Variants in SH3BGRL observed in about 807,000 individuals in gnomAD.
The protein encoded by SH3BGRL is adapter SH3BGRL.
In SH3BGRL, 7 loss-of-function variants were observed where a neutral mutation model predicts 9.8. The ratio of observed to expected loss-of-function variants is 0.72; its 90% CI spans 0.41 to 1.35. SH3BGRL has a LOEUF of 1.35. SH3BGRL is among the 40% of genes most tolerant of loss of function. The pLI, the probability that SH3BGRL is intolerant of heterozygous loss-of-function variation, is 0.01. For synonymous variants in SH3BGRL, 36 were observed against 29.1 expected (o/e 1.24, Z -0.76); for missense variants, 73 against 84.4 (o/e 0.86, Z 0.53).
At chrX:81,254,143 T>G (rs1328893898) in intron 1 of SH3BGRL, among the ~76,000 whole-genome samples, 1 of 112,270 alleles carries the variant, frequency 8.9e-6, no homozygotes, top group Non-Finnish European at 1.9e-5. Flanking sequence ...TTCTTGATAG[T>G]CATAGTTCAA....
chrX:81,223,540 A>AT (rs937089887), intron 1 of SH3BGRL, among the ~76,000 whole-genome samples: 65 of 107,419 alleles, frequency 6.1e-4, no homozygotes, highest in African/African-American at 7.8e-4. Context: ...AAGTCTGATG[A>AT]TTTTTTTTTT....
At chrX:81,286,189 G>A (rs1204695839) in intron 3 of SH3BGRL, among the ~76,000 whole-genome samples, 1 of 108,367 alleles carries the variant, frequency 9.2e-6, no homozygotes, top group East Asian at 3.3e-4. Context: ...ATGGTTTTGA[G>A]ATATGAAATA....
At chrX:81,250,036 T>A (rs78028149) in intron 1 of SH3BGRL, among the ~76,000 whole-genome samples, 1 of 109,875 alleles carries the variant, frequency 9.1e-6, no homozygotes, top group African/African-American at 3.3e-5. Context: ...TTTTTTTTTT[T>A]AATGCAGTAT....
At chrX:81,276,905 T>C in intron 1 of SH3BGRL, 79 bp from the exon 2 acceptor site, 3 of 833,751 alleles carry the variant, frequency 3.6e-6, no homozygotes, top group Non-Finnish European at 5.2e-6. Flanking sequence ...TTGTTCTGTC[T>C]GAATTCATTT....
intron 1 of SH3BGRL, among the ~76,000 whole-genome samples, chrX:81,230,505 T>C (rs1279636507): frequency 9.0e-6 from 1 of 111,406 alleles, no homozygotes; most frequent in Admixed American, 9.5e-5. Context: ...AGGAAACAGG[T>C]ATGTGATGTG....
intron 1 of SH3BGRL, among the ~76,000 whole-genome samples, chrX:81,263,827 T>C (rs753926564): frequency 5.5e-4 from 61 of 111,202 alleles, no homozygotes; most frequent in Non-Finnish European, 1.0e-3. Flanking sequence ...TGCACTTTCT[T>C]GTCTGTTTTT....
chrX:81,208,469 T>C (rs2075554111), intron 1 of SH3BGRL, among the ~76,000 whole-genome samples: 1 of 112,242 alleles, frequency 8.9e-6, no homozygotes, highest in South Asian at 3.7e-4. Flanking sequence ...ATATATATTG[T>C]GCAATTAACC....
At chrX:81,288,858 C>T (rs959954350) in intron 3 of SH3BGRL, among the ~76,000 whole-genome samples, 3 of 111,004 alleles carry the variant, frequency 2.7e-5, no homozygotes, top group Non-Finnish European at 5.7e-5. Flanking sequence ...TTCATACTGT[C>T]CAAAACAATC....
intron 1 of SH3BGRL, among the ~76,000 whole-genome samples, chrX:81,217,955 G>A (rs984975393): frequency 9.1e-6 from 1 of 110,363 alleles, no homozygotes; most frequent in Non-Finnish European, 1.9e-5. Flanking sequence ...TATATATTTA[G>A]GATTGTGATA....
chrX:81,209,796 G>A (rs964922796), intron 1 of SH3BGRL, among the ~76,000 whole-genome samples: 8 of 111,764 alleles, frequency 7.2e-5, no homozygotes, highest in Non-Finnish European at 1.3e-4. Context: ...GAGGATAGTA[G>A]CACCATGTTC....
At chrX:81,279,956 C>T (rs915553889) in intron 3 of SH3BGRL, among the ~76,000 whole-genome samples, 5 of 111,414 alleles carry the variant, frequency 4.5e-5, no homozygotes, top group Admixed American at 3.8e-4. Flanking sequence ...GCCCCTCTTG[C>T]CCTCCACCTG....
At chrX:81,235,715 G>A (rs1021415452) in intron 1 of SH3BGRL, among the ~76,000 whole-genome samples, 1 of 110,992 alleles carries the variant, frequency 9.0e-6, no homozygotes, top group African/African-American at 3.3e-5. Flanking sequence ...CTTATTAACT[G>A]TACCCATGGC....
intron 1 of SH3BGRL, among the ~76,000 whole-genome samples, chrX:81,209,126 A>G (rs2075556168): frequency 9.4e-6 from 1 of 106,499 alleles, no homozygotes; most frequent in Non-Finnish European, 1.9e-5. Flanking sequence ...TCCTGCTTCA[A>G]CCTCTCAAGT....
At chrX:81,211,939 T>C (rs1163111600) in intron 1 of SH3BGRL, among the ~76,000 whole-genome samples, 1 of 111,661 alleles carries the variant, frequency 9.0e-6, no homozygotes, top group South Asian at 3.7e-4. Flanking sequence ...AGAACCCTAA[T>C]ACAAAGTGTT....
chrX:81,247,135 G>T (rs2075692225), intron 1 of SH3BGRL, among the ~76,000 whole-genome samples: 1 of 111,808 alleles, frequency 8.9e-6, no homozygotes, highest in African/African-American at 3.3e-5. Context: ...GTATAGAAAT[G>T]GTACTGATTT....
chrX:81,240,006 A>T (rs754878271), intron 1 of SH3BGRL, among the ~76,000 whole-genome samples: 1 of 112,439 alleles, frequency 8.9e-6, no homozygotes, highest in African/African-American at 3.2e-5. Flanking sequence ...TTGTCCTACA[A>T]GAAATGCTAA....
In SH3BGRL at chrX:81,211,541, C is replaced by T. The variant is rs886784913; in HGVS notation, c.45+9296C>T. On this transcript the variant is annotated intron_variant, in intron 1 of 3. Transcript: ENST00000373212. Reference sequence around the variant, plus strand: ...GGCGGAGCTTGCAGTGATCCGAGATCGTGCCACTGCACTCCAGCCTGGGCT... The same window carrying T: ...GGCGGAGCTTGCAGTGATCCGAGATTGTGCCACTGCACTCCAGCCTGGGCT... Among the ~76,000 whole-genome samples the T allele has an allele frequency of 1.7e-3, 184 of 110,182 alleles. 1 individual carries two copies. Among genetic ancestry groups the T allele is most frequent in the African/African-American group, 5.7e-3 (173 of 30,325 alleles).
At chrX:81,206,033 A>C (rs746336255) in intron 1 of SH3BGRL, among the ~76,000 whole-genome samples, 6 of 111,172 alleles carry the variant, frequency 5.4e-5, no homozygotes, top group African/African-American at 2.0e-4. Context: ...TATTGAAATC[A>C]TTTGCCATTT....
intron 1 of SH3BGRL, chrX:81,237,156 C>T (rs1602604553): frequency 3.5e-6 from 2 of 574,341 alleles, no homozygotes; most frequent in East Asian, 1.7e-4. Flanking sequence ...GAAGACTCCA[C>T]CAATCATCCC....
Sources: gnomAD v4.1 joint callset for allele counts (sites outside exome capture counted in the v4.1 genomes callset) on GRCh38, gnomAD v4.1.1 for gene constraint, MANE v1.5 for transcripts, NCBI Gene and HGNC (gene_info 2026-07-23, HGNC 2026-07-21) for gene names.